The following FAM120A variants were observed in gnomAD, a reference collection of about 807,000 sequenced individuals.
The protein encoded by FAM120A is family with sequence similarity 120 member A, also known as constitutive coactivator of PPAR-gamma-like protein 1.
FAM120A carries 15 observed loss-of-function variants against 109.7 expected under a neutral mutation model. That is an observed-to-expected ratio of 0.14 (90% CI 0.09 to 0.21). The LOEUF is 0.21. Among genes scored for constraint, FAM120A ranks in the 10% least tolerant of loss-of-function variants. The probability of loss-of-function intolerance (pLI) is 1.00; values close to 1 mark genes in which losing one functional copy is unlikely to be tolerated. For missense variants in FAM120A, 899 were observed against 1,439.3 expected (o/e 0.62, Z 6.07); for synonymous variants, 493 against 572.8 (o/e 0.86, Z 1.99).
Position 93,478,039 on chromosome 9 carries a change from T to C in FAM120A, c.804+1701T>C, listed in dbSNP as rs149091078. 1.1e-4 allele frequency among the ~76,000 whole-genome samples: 17 copies of C among 152,366 alleles called. No individual in the cohort carries two copies. In the East Asian group the frequency reaches 3.3e-3, roughly 29 times the overall value. ...ACTATTTGGAAGTAAGTTGCAGATATGACACTTTACCCATGAAAATGTCAG... is the reference window on the plus strand; with the variant it reads ...ACTATTTGGAAGTAAGTTGCAGATACGACACTTTACCCATGAAAATGTCAG... On this transcript the variant is annotated intron_variant, in intron 3 of 17. Transcript: ENST00000277165.
In FAM120A at chr9:93,564,542, C is replaced by G. The variant is rs143176459; in HGVS notation, c.*2C>G. The G allele has an allele frequency of 5.6e-4, 897 of 1,600,110 alleles. 1 individual carries two copies. The highest frequency in any genetic ancestry group is 7.2e-4 in the Non-Finnish European group (845 of 1,170,746). On this transcript the variant is annotated 3_prime_UTR_variant, in exon 18 of 18. Coordinates refer to ENST00000277165, the MANE Select transcript of FAM120A (RefSeq NM_014612.5). Reference sequence around the variant, plus strand: ...GCTGTCTTAAATAAAGAAGAGTAAACTTATTTTTTATAGAGGGTGAAGGAT... The same window carrying G: ...GCTGTCTTAAATAAAGAAGAGTAAAGTTATTTTTTATAGAGGGTGAAGGAT...
chr9:93,455,314 G>T (rs1159137609), intron 1 of FAM120A, among the ~76,000 whole-genome samples: 1 of 152,146 alleles, frequency 6.6e-6, no homozygotes, highest in African/African-American at 2.4e-5. Flanking sequence ...ATAGTGATAG[G>T]GACCAATTCA....
At chr9:93,526,512 T>C (rs893428269) in intron 7 of FAM120A, among the ~76,000 whole-genome samples, 22 of 141,080 alleles carry the variant, frequency 1.6e-4, no homozygotes, top group Non-Finnish European at 2.3e-4. Flanking sequence ...CCTTATCCCC[T>C]TTTTTTTTTC....
chr9:93,542,320 A>G (rs536758227), intron 10 of FAM120A, among the ~76,000 whole-genome samples: 4 of 152,246 alleles, frequency 2.6e-5, no homozygotes, highest in Non-Finnish European at 1.5e-5. Flanking sequence ...ATGCATACCC[A>G]GATTTCCCTA....
chr9:93,466,449 G>A (rs537585192), intron 1 of FAM120A, among the ~76,000 whole-genome samples: 1 of 152,090 alleles, frequency 6.6e-6, no homozygotes, highest in Non-Finnish European at 1.5e-5. Flanking sequence ...TTTGTTTTGG[G>A]AGTGCTTCCT....
At position 93,562,314 on chromosome 9, in the gene FAM120A, C is replaced by A. The variant is rs770053110; in HGVS notation, c.3045+10C>A. Reference sequence around the variant, plus strand: ...CCAGGCAGCAATTCAGGTAAGAAGACAACATGATGTTTGTGCCAGTTCAAT... The same window carrying A: ...CCAGGCAGCAATTCAGGTAAGAAGAAAACATGATGTTTGTGCCAGTTCAAT... On this transcript the variant is annotated intron_variant, in intron 17 of 17. Transcript: ENST00000277165. The A allele has an allele frequency of 6.2e-7, 1 of 1,607,990 alleles. No individual in the cohort carries two copies. The highest frequency in any genetic ancestry group is 8.5e-7 in the Non-Finnish European group (1 of 1,174,584).
Position 93,550,595 on chromosome 9 carries a change from G to T in FAM120A, c.2178G>T (p.Pro726=), listed in dbSNP as rs140835753. 1.9e-6 allele frequency: 3 copies of T among 1,613,570 alleles called. No individual in the cohort carries two copies. Among genetic ancestry groups the T allele is most frequent in the African/African-American group, 1.3e-5 (1 of 74,906 alleles). The change falls in exon 12 of 18, where the codon CCG becomes CCT. Residue 726 remains proline (P), a synonymous_variant. Coordinates refer to ENST00000277165, the MANE Select transcript of FAM120A (RefSeq NM_014612.5). ...CCVLRYMVQW[P]GARILRRQEL... ...TCACCAGGTACATGGTGCAGTGGCC[G>T]GGAGCACGCATCCTTCGGCGTCAGG...
intron 1 of FAM120A, chr9:93,453,593 G>A (rs1056079291): frequency 5.1e-6 from 5 of 985,274 alleles, no homozygotes; most frequent in Non-Finnish European, 4.8e-6. Context: ...AAATGATAGC[G>A]GAAGTCCCAC....
At chr9:93,482,760 CTGG>C (rs1858876622) in intron 3 of FAM120A, among the ~76,000 whole-genome samples, 1 of 152,106 alleles carries the variant, frequency 6.6e-6, no homozygotes, top group South Asian at 2.1e-4. Flanking sequence ...GTCTAGTAGA[CTGG>C]CCCTTTGAGA....
At chr9:93,538,598 C>G (rs1041983977) in intron 10 of FAM120A, among the ~76,000 whole-genome samples, 1 of 152,176 alleles carries the variant, frequency 6.6e-6, no homozygotes, top group Non-Finnish European at 1.5e-5. Flanking sequence ...TATGAACAGG[C>G]GTGCATGCAT....
chr9:93,476,097 TTCTG>T (rs917844589), intron 2 of FAM120A, among the ~76,000 whole-genome samples, 155 bp from the exon 3 acceptor site: 1 of 152,236 alleles, frequency 6.6e-6, no homozygotes, highest in African/African-American at 2.4e-5. Flanking sequence ...GCTGCAAAGA[TTCTG>T]CCTGCTGTAT....
In FAM120A at chr9:93,550,662, T is replaced by TACG. The variant is rs1564358153; in HGVS notation, c.2247_2249dup (p.Tyr749_Glu750insAsp). On this transcript the variant is annotated inframe_insertion, in exon 12 of 18. Transcript: ENST00000277165. ...GGCTCAGGCGCTGTCCCCCAAACTC[T>TACG]ACGAGCCTGATCAGCTCCAGGAGCT... 1 of 1,613,920 alleles carries TACG rather than the reference T, an allele frequency of 6.2e-7. No individual in the cohort carries two copies. The highest frequency in any genetic ancestry group is 8.5e-7 in the Non-Finnish European group (1 of 1,179,992).
rs1461712283 is a variant in FAM120A at position 93,471,121 on chromosome 9, GT to G, written c.475-13del. On this transcript the variant is annotated intron_variant, in intron 1 of 17. Coordinates refer to ENST00000277165, the MANE Select transcript of FAM120A (RefSeq NM_014612.5). ...ACAGTGTTACCCTACATCTGATGAA[GT>G]TTTTTTCTCGTTTGCCAGGTTGCAC... The G allele has an allele frequency of 6.2e-7, 1 of 1,613,376 alleles. No individual in the cohort carries two copies. Among genetic ancestry groups the G allele is most frequent in the Non-Finnish European group, 8.5e-7 (1 of 1,179,494 alleles).
At chr9:93,539,216 C>T (rs914331197) in intron 10 of FAM120A, among the ~76,000 whole-genome samples, 1 of 152,254 alleles carries the variant, frequency 6.6e-6, no homozygotes, top group East Asian at 1.9e-4. Context: ...CCAGGATGGT[C>T]TCGATCTCCT....
At chr9:93,464,650 T>G (rs1376473921) in intron 1 of FAM120A, among the ~76,000 whole-genome samples, 1 of 152,184 alleles carries the variant, frequency 6.6e-6, no homozygotes, top group East Asian at 1.9e-4. Flanking sequence ...TGCATTTTGA[T>G]AGAGTGGAAA....
intron 7 of FAM120A, among the ~76,000 whole-genome samples, chr9:93,521,769 G>A (rs1860855904): frequency 6.6e-6 from 1 of 152,124 alleles, no homozygotes; most frequent in African/African-American, 2.4e-5. Context: ...TCAGATGTTT[G>A]TAATCTTGTT....
intron 3 of FAM120A, among the ~76,000 whole-genome samples, chr9:93,493,726 C>T (rs1859440598): frequency 6.6e-6 from 1 of 152,220 alleles, no homozygotes; most frequent in South Asian, 2.1e-4. Flanking sequence ...CTGCCTCCCT[C>T]CTGGGGGCCC....
At chr9:93,522,647 T>C (rs1860891947) in intron 7 of FAM120A, among the ~76,000 whole-genome samples, 1 of 152,246 alleles carries the variant, frequency 6.6e-6, no homozygotes, top group Admixed American at 6.5e-5. Flanking sequence ...CTGAGTTTTT[T>C]TCCACCTTGT....
In FAM120A at chr9:93,452,464, T is replaced by C; in HGVS notation, c.474+75T>C. On this transcript the variant is annotated intron_variant, in intron 1 of 17. Coordinates refer to ENST00000277165, the MANE Select transcript of FAM120A (RefSeq NM_014612.5). This position sits in a 1 kb window ranked among gnomAD's most constrained non-coding sequence, Gnocchi z 7.0. ...CTATCCCCCTTCCCAGGGCGCAGAA[T>C]GTCGCCCGGCCGTGGCGGCGCTGGG... is the stretch of plus-strand genomic sequence containing the variant. The C allele has an allele frequency of 6.5e-7, 1 of 1,548,458 alleles. No homozygotes were observed. Among genetic ancestry groups the C allele is most frequent in the Non-Finnish European group, 8.7e-7 (1 of 1,150,306 alleles).
Sources: allele counts gnomAD v4.1 joint callset (sites outside exome capture counted in the v4.1 genomes callset), GRCh38; gene constraint gnomAD v4.1.1; non-coding constraint Gnocchi (gnomAD v3.1); transcripts MANE v1.5; gene names NCBI Gene and HGNC (gene_info 2026-07-23, HGNC 2026-07-21).